ZC3H12B: variants seen among roughly 807,000 people sequenced by gnomAD.
The protein encoded by ZC3H12B is probable ribonuclease ZC3H12B.
ZC3H12B carries 7 observed loss-of-function variants against 43.9 expected under a neutral mutation model. The ratio of observed to expected loss-of-function variants is 0.16; its 90% CI spans 0.09 to 0.30. ZC3H12B has a LOEUF of 0.30. ZC3H12B is among the 10% of genes least tolerant of loss of function. The pLI, the probability that ZC3H12B is intolerant of heterozygous loss-of-function variation, is 1.00. For synonymous variants in ZC3H12B, 222 were observed against 241.7 expected (o/e 0.92, Z 0.76); for missense variants, 475 against 670.2 (o/e 0.71, Z 3.22).
At chrX:65,100,566 CAAAAAAAAA>C in the ZC3H12B span, among the ~76,000 whole-genome samples, 10 of 4,529 alleles carry the variant, frequency 2.2e-3, no homozygotes, top group Admixed American at 0.014. Context: ...AAAGATAAAG[CAAAAAAAAA>C]AAAAAAAAAA....
the ZC3H12B span, among the ~76,000 whole-genome samples, chrX:65,142,445 T>A: frequency 1.8e-5 from 2 of 112,454 alleles, no homozygotes; most frequent in Non-Finnish European, 3.8e-5. Context: ...TTTTTCCCAC[T>A]CTACAGGTTG....
At chrX:65,417,751 G>C (rs987590600) in intron 3 of ZC3H12B, among the ~76,000 whole-genome samples, 4 of 112,965 alleles carry the variant, frequency 3.5e-5, no homozygotes, top group African/African-American at 1.3e-4. Flanking sequence ...AAAGCCCTTT[G>C]TTCCCTCTGA....
At chrX:65,383,121 A>T (rs890487579) in intron 2 of ZC3H12B, among the ~76,000 whole-genome samples, 32 of 111,745 alleles carry the variant, frequency 2.9e-4, no homozygotes, top group African/African-American at 1.0e-3. Flanking sequence ...TTCATATGGA[A>T]CCAAAAAAGA....
the ZC3H12B span, among the ~76,000 whole-genome samples, chrX:65,076,133 C>A: frequency 9.1e-6 from 1 of 110,048 alleles, no homozygotes; most frequent in African/African-American, 3.3e-5. Context: ...TATTTGTTTT[C>A]TTTTTGTTTC....
intron 3 of ZC3H12B, among the ~76,000 whole-genome samples, chrX:65,436,890 T>C (rs2067228188): frequency 9.0e-6 from 1 of 111,374 alleles, no homozygotes. Context: ...AAATGGTTAT[T>C]GGCTTTAGTC....
At chrX:65,347,255 A>C in the ZC3H12B span, among the ~76,000 whole-genome samples, 1 of 111,770 alleles carries the variant, frequency 8.9e-6, no homozygotes, top group African/African-American at 3.3e-5. Flanking sequence ...AGAAAGGAAG[A>C]GCACATCCAC....
At chrX:65,199,504 G>A in the ZC3H12B span, among the ~76,000 whole-genome samples, 1 of 110,263 alleles carries the variant, frequency 9.1e-6, no homozygotes, top group African/African-American at 3.3e-5. Flanking sequence ...TACATAGGTA[G>A]ACGTGTGCCA....
the ZC3H12B span, chrX:65,187,164 A>G: frequency 1.8e-5 from 2 of 111,715 alleles, no homozygotes; most frequent in African/African-American, 6.5e-5. Flanking sequence ...TCAGTTTCAT[A>G]TTAACTTCTA....
At chrX:65,325,858 A>G in the ZC3H12B span, among the ~76,000 whole-genome samples, 1 of 111,896 alleles carries the variant, frequency 8.9e-6, no homozygotes, top group East Asian at 2.8e-4. Context: ...GCATCAAAAA[A>G]TTGAACAGAC....
At chrX:65,277,846 G>A in the ZC3H12B span, among the ~76,000 whole-genome samples, 1 of 110,889 alleles carries the variant, frequency 9.0e-6, no homozygotes. Context: ...TTAGTAGAAG[G>A]AAGGAGCTAA....
the ZC3H12B span, among the ~76,000 whole-genome samples, chrX:65,292,380 G>T: frequency 9.0e-6 from 1 of 111,723 alleles, no homozygotes. Context: ...CACAGGAAAA[G>T]AAAACCAAAT....
the ZC3H12B span, among the ~76,000 whole-genome samples, chrX:65,300,901 C>T: frequency 1.8e-5 from 2 of 109,980 alleles, no homozygotes; most frequent in Admixed American, 9.7e-5. Flanking sequence ...AGACAACCTA[C>T]AGAATGAGAG....
At chrX:65,378,356 C>A (rs2066379279) in intron 2 of ZC3H12B, among the ~76,000 whole-genome samples, 1 of 110,879 alleles carries the variant, frequency 9.0e-6, no homozygotes, top group Non-Finnish European at 1.9e-5. Flanking sequence ...TTACTTTATT[C>A]TTGTTTGTTT....
At chrX:65,157,281 T>C in the ZC3H12B span, among the ~76,000 whole-genome samples, 3 of 112,462 alleles carry the variant, frequency 2.7e-5, no homozygotes, top group African/African-American at 9.7e-5. Context: ...ACTCATTCTT[T>C]TTATTATCCT....
chrX:65,280,459 A>G, the ZC3H12B span, among the ~76,000 whole-genome samples: 1 of 112,147 alleles, frequency 8.9e-6, no homozygotes, highest in African/African-American at 3.2e-5. Context: ...GGAAAACCTG[A>G]AAGCTTTTTC....
intron 3 of ZC3H12B, among the ~76,000 whole-genome samples, chrX:65,453,751 T>C (rs2067559621): frequency 1.8e-5 from 2 of 110,060 alleles, no homozygotes; most frequent in South Asian, 7.9e-4. Context: ...AGGAATAAAA[T>C]AATGGCATTT....
At chrX:65,172,383 G>A in the ZC3H12B span, among the ~76,000 whole-genome samples, 7 of 111,735 alleles carry the variant, frequency 6.3e-5, no homozygotes, top group Admixed American at 1.9e-4. Context: ...TATGTTGCCT[G>A]TTCACTCTGA....
the ZC3H12B span, among the ~76,000 whole-genome samples, chrX:65,061,255 C>T: frequency 1.8e-5 from 2 of 111,282 alleles, no homozygotes; most frequent in African/African-American, 3.3e-5. Context: ...CCCATCAACT[C>T]GTCATCTAGG....
the ZC3H12B span, among the ~76,000 whole-genome samples, chrX:65,125,361 T>C: frequency 9.0e-6 from 1 of 111,675 alleles, no homozygotes; most frequent in Non-Finnish European, 1.9e-5. Flanking sequence ...AGAGAGTTCT[T>C]GATATTACTT....
Sources: allele counts gnomAD v4.1 joint callset (sites outside exome capture counted in the v4.1 genomes callset), GRCh38; gene constraint gnomAD v4.1.1; transcripts MANE v1.5; gene names NCBI Gene and HGNC (gene_info 2026-07-23, HGNC 2026-07-21).